Variants in POU6F1 observed in about 807,000 individuals in gnomAD.
POU6F1 encodes the protein POU class 6 homeobox 1.
A neutral mutation model predicts 28.9 loss-of-function variants in POU6F1; 9 were observed. The observed-to-expected ratio is 0.31, with a 90% CI of 0.19 to 0.54. The LOEUF (loss-of-function observed/expected upper bound fraction) is 0.54. POU6F1 is among the 20% of genes least tolerant of loss of function. The probability of loss-of-function intolerance (pLI) is 0.94; values close to 1 mark genes in which losing one functional copy is unlikely to be tolerated. For synonymous variants in POU6F1, 173 were observed against 171.1 expected, an observed-to-expected ratio of 1.01 and a Z score of -0.09; for missense variants, 338 against 426.1, an observed-to-expected ratio of 0.79 and a Z score of 1.82.
chr12:51,208,483 C>T (rs1046523361), intron 1 of POU6F1, among the ~76,000 whole-genome samples: 6 of 152,106 alleles, frequency 3.9e-5, no homozygotes, highest in East Asian at 1.9e-4. Context: ...CATTATTATC[C>T]GCATGTTACA....
At chr12:51,213,981 A>G (rs1944159091) in intron 1 of POU6F1, among the ~76,000 whole-genome samples, 1 of 151,820 alleles carries the variant, frequency 6.6e-6, no homozygotes, top group South Asian at 2.1e-4. Context: ...CATCTCTACT[A>G]AAAATACAAA....
chr12:51,211,320 A>T (rs1943970421), intron 1 of POU6F1, among the ~76,000 whole-genome samples: 1 of 152,188 alleles, frequency 6.6e-6, no homozygotes, highest in South Asian at 2.1e-4. Context: ...GAGCCCACCA[A>T]GGGCCCTCTC....
chr12:51,195,859 T>C (rs566423058), intron 8 of POU6F1, 111 bp downstream of exon 8: 2 of 1,249,276 alleles, frequency 1.6e-6, no homozygotes, highest in African/African-American at 3.0e-5. Context: ...GGAAGCGCCC[T>C]GCACTCCCAG....
chr12:51,205,335 C>T (rs1441224608), intron 2 of POU6F1, among the ~76,000 whole-genome samples: 6 of 152,128 alleles, frequency 3.9e-5, no homozygotes, highest in African/African-American at 1.4e-4. Context: ...CCACCACGCC[C>T]GGCCTGACTG....
Position 51,217,974 on chromosome 12 carries a change from A to G in POU6F1, c.-380T>C, listed in dbSNP as rs536251368. ...TATATTTTTCTTCGTTCCCCCTTCC[A>G]CGACCCCCCCCTTTTCCCTCCCCCC... On this transcript the variant is annotated 5_prime_UTR_variant, in exon 1 of 11. Coordinates refer to ENST00000333640, the MANE Select transcript of POU6F1 (RefSeq NM_001330422.2). This position sits in a 1 kb window ranked among gnomAD's most constrained non-coding sequence, Gnocchi z 5.3. Among the ~76,000 whole-genome samples the G allele has an allele frequency of 4.9e-4, 73 of 149,192 alleles. No individual in the cohort carries two copies. The South Asian group carries it at 0.015, about 31-fold the overall frequency.
intron 8 of POU6F1, among the ~76,000 whole-genome samples, chr12:51,194,668 G>T (rs920249334): frequency 6.6e-6 from 1 of 151,028 alleles, no homozygotes; most frequent in African/African-American, 2.4e-5. Context: ...AGCTCATCTG[G>T]TCAGCCATTT....
At chr12:51,211,177 GA>G (rs1349948689) in intron 1 of POU6F1, among the ~76,000 whole-genome samples, 2 of 152,208 alleles carry the variant, frequency 1.3e-5, no homozygotes, top group Admixed American at 6.5e-5. Flanking sequence ...CCCACAGCCT[GA>G]AGGCCAGGGA....
chr12:51,208,942 A>T (rs1028185970), intron 1 of POU6F1, among the ~76,000 whole-genome samples: 7 of 152,266 alleles, frequency 4.6e-5, no homozygotes, highest in African/African-American at 1.2e-4. Context: ...TGTGAGAGAG[A>T]TACTTTCACC....
chr12:51,196,243 C>T (rs893681543), intron 7 of POU6F1, 70 bp from the exon 8 acceptor site: 39 of 1,282,854 alleles, frequency 3.0e-5, no homozygotes, highest in Non-Finnish European at 4.0e-5. Flanking sequence ...CCCAGATCCC[C>T]ACACCACCAG....
Position 51,196,064 on chromosome 12 carries a change from T to C in POU6F1, c.1085A>G (p.Gln362Arg). The change falls in exon 8 of 11, where the codon CAG (glutamine) becomes CGG (arginine). Residue 362 changes from glutamine (Q) to arginine (R), a missense_variant. Gln to Arg is a conservative substitution (Grantham distance 43). Around this residue, in one of 3 missense-constraint regions of POU6F1, gnomAD observed 206 missense variants for 225.6 expected, o/e 0.91. Coordinates refer to ENST00000333640, the MANE Select transcript of POU6F1 (RefSeq NM_001330422.2). ...AVTPQLLLNA[Q>R]GQVIATLASS... is the part of the protein sequence containing the mutation. ...AGCCAGGGTCGCAATCACCTGGCCC[T>C]GGGCGTTCAACAACAGCTGGGGGGT... 1 of 1,607,552 alleles carries C rather than the reference T, an allele frequency of 6.2e-7. No homozygotes were observed. Among genetic ancestry groups the C allele is most frequent in the Middle Eastern group, 1.7e-4 (1 of 5,866 alleles).
intron 2 of POU6F1, 96 bp from the exon 3 acceptor site, chr12:51,204,464 C>T (rs1354956912): frequency 1.3e-5 from 5 of 397,760 alleles, no homozygotes; most frequent in East Asian, 7.1e-5. Flanking sequence ...GGGGAGGGCA[C>T]CTCTGGATGC....
chr12:51,199,266 C>T lies in POU6F1; in HGVS notation c.366+481G>A, dbSNP rs147392111. Reference sequence around the variant, plus strand: ...TCCGAGAAGTTTCTGAAGGACCATACCCTTGGCTGGATGCCTTGGAGTCAG... The same window carrying T: ...TCCGAGAAGTTTCTGAAGGACCATATCCTTGGCTGGATGCCTTGGAGTCAG... On this transcript the variant is annotated intron_variant, in intron 4 of 10. Coordinates refer to ENST00000333640, the MANE Select transcript of POU6F1 (RefSeq NM_001330422.2). The surrounding 1 kb of genome is among the most constrained non-coding windows in gnomAD (Gnocchi z 4.1). Among the ~76,000 whole-genome samples, 396 of 152,266 alleles carry T rather than the reference C, an allele frequency of 2.6e-3. 1 individual carries two copies. Among genetic ancestry groups the T allele is most frequent in the Middle Eastern group, 0.01 (3 of 294 alleles).
At chr12:51,212,189 G>A (rs1334888659) in intron 1 of POU6F1, among the ~76,000 whole-genome samples, 3 of 151,982 alleles carry the variant, frequency 2.0e-5, no homozygotes, top group Admixed American at 6.6e-5. Flanking sequence ...CGCCTCCCGG[G>A]TTCAGGTGAT....
rs1043866270 is a variant in POU6F1, at chr12:51,197,953, C to G, written c.663G>C (p.Thr221=). ...QAAAPVQASS[T]AQPRPPAQPQ... The stretch of plus-strand genomic sequence containing the variant: ...GCTGGGCTGGTGGCCGGGGTTGGGC[C>G]GTCGAGGAGGCCTGTACTGGTGCGG... The change falls in exon 6 of 11, where the codon ACG becomes ACC. Residue 221 remains threonine, a synonymous_variant. Transcript: ENST00000333640. The G allele has an allele frequency of 7.5e-6, 3 of 402,444 alleles. No individual in the cohort carries two copies. The highest frequency in any genetic ancestry group is 1.3e-5 in the Non-Finnish European group (3 of 228,570). 24.9% of individuals were successfully genotyped at this position (402,444 alleles called of 1,614,324 possible).
intron 3 of POU6F1, chr12:51,201,578 C>T (rs1001811138): frequency 1.2e-4 from 18 of 149,996 alleles, no homozygotes; most frequent in African/African-American, 4.4e-4. Context: ...AGAGTCTGAA[C>T]ATGTGAAAAT....
At chr12:51,203,438 A>G (rs1943359698) in intron 3 of POU6F1, among the ~76,000 whole-genome samples, 1 of 152,148 alleles carries the variant, frequency 6.6e-6, no homozygotes, top group Admixed American at 6.5e-5. Flanking sequence ...TGGCCTCAAC[A>G]TAGAAGCAGA....
chr12:51,197,853 C>T lies in POU6F1; in HGVS notation c.763G>A (p.Ala255Thr), dbSNP rs928281184. ...ACTGGCTTGGGGGTAGGGGCAGCAG[C>T]GGTGGCAGCAGTGGGCTGCGGGAGG... is the stretch of plus-strand genomic sequence containing the variant. ...AILPQPTAATAAAPTPKPVDT... is the reference protein window; with the variant it reads ...AILPQPTAATTAAPTPKPVDT... Residue 255 changes from alanine to threonine, a missense_variant, in exon 6 of 11, where the codon GCT becomes ACT. Ala to Thr is a moderately conservative substitution (Grantham distance 58, BLOSUM62 0). Transcript: ENST00000333640. 12 of 403,594 alleles carry T rather than the reference C, an allele frequency of 3.0e-5. No individual in the cohort carries two copies. The highest frequency in any genetic ancestry group is 4.4e-5 in the Non-Finnish European group (10 of 229,102). The allele number at this position is 403,594 out of a possible 1,614,324, so 25.0% of individuals were successfully genotyped here.
In POU6F1 at chr12:51,217,691, A is replaced by AT. The variant is rs1364266884; in HGVS notation, c.-98dup. The AT allele has an allele frequency of 6.6e-6, 1 of 150,746 alleles. No homozygotes were observed. Among genetic ancestry groups the AT allele is most frequent in the African/African-American group, 2.4e-5 (1 of 40,962 alleles). 9.3% of individuals were successfully genotyped at this position (150,746 alleles called of 1,614,324 possible). A position where few individuals can be genotyped will look rare whatever the true frequency, so the allele number is the denominator to read the frequency against. On this transcript the variant is annotated 5_prime_UTR_variant, in exon 1 of 11. Coordinates refer to ENST00000333640, the MANE Select transcript of POU6F1 (RefSeq NM_001330422.2). This position sits in a 1 kb window ranked among gnomAD's most constrained non-coding sequence, Gnocchi z 5.3. ...CGCCGCGGGTGTCTGGCGGCCACCGATTAGAGATTCATCTCACAGCCCGGG... is the reference window on the plus strand; with the variant it reads ...CGCCGCGGGTGTCTGGCGGCCACCGATTTAGAGATTCATCTCACAGCCCGGG...
At chr12:51,194,662 C>A (rs1592145202) in intron 8 of POU6F1, among the ~76,000 whole-genome samples, 2 of 149,722 alleles carry the variant, frequency 1.3e-5, no homozygotes, top group South Asian at 2.1e-4. Context: ...AAAAAAAGCT[C>A]ATCTGGTCAG....
Sources: allele counts gnomAD v4.1 joint callset (sites outside exome capture counted in the v4.1 genomes callset), GRCh38; gene constraint gnomAD v4.1.1; regional missense constraint gnomAD v4.1.1; non-coding constraint Gnocchi (gnomAD v3.1); transcripts MANE v1.5; gene names NCBI Gene and HGNC (gene_info 2026-07-23, HGNC 2026-07-21).